Variants in WASF2 observed in about 807,000 individuals in gnomAD.
WASF2 encodes the protein WASP family member 2, also known as actin-binding protein WASF2.
WASF2 carries 14 observed loss-of-function variants against 45.0 expected under a neutral mutation model. That is an observed-to-expected ratio of 0.31 (90% CI 0.21 to 0.49). WASF2 has a LOEUF of 0.49. Ranked by LOEUF, WASF2 falls within the 20% of genes least tolerant of loss-of-function variation. The pLI, the probability that WASF2 is intolerant of heterozygous loss-of-function variation, is 0.99. For missense variants in WASF2, 439 were observed against 636.1 expected (o/e 0.69, Z 3.33); for synonymous variants, 200 against 236.3 (o/e 0.85, Z 1.41).
At chr1:27,480,870 G>A (rs1047757402) in intron 1 of WASF2, among the ~76,000 whole-genome samples, 21 of 151,782 alleles carry the variant, frequency 1.4e-4, no homozygotes, top group African/African-American at 4.8e-4. Context: ...TTAGCCGGGC[G>A]TGGTGGCAGG....
chr1:27,413,466 T>C (rs547851800), intron 6 of WASF2, among the ~76,000 whole-genome samples: 1 of 152,264 alleles, frequency 6.6e-6, no homozygotes, highest in African/African-American at 2.4e-5. Context: ...TCCACCATTG[T>C]TGGGGTCTAA....
At chr1:27,469,927 G>A (rs1487137101) in intron 1 of WASF2, among the ~76,000 whole-genome samples, 1 of 151,950 alleles carries the variant, frequency 6.6e-6, no homozygotes, top group Non-Finnish European at 1.5e-5. Flanking sequence ...GTGGGCGACA[G>A]AATGAGACTC....
chr1:27,458,402 TTTTA>T (rs2017501980), intron 1 of WASF2, among the ~76,000 whole-genome samples: 1 of 152,020 alleles, frequency 6.6e-6, no homozygotes, highest in Admixed American at 6.6e-5. Flanking sequence ...TAGGTATTTA[TTTTA>T]TTATTTTAAT....
intron 1 of WASF2, among the ~76,000 whole-genome samples, chr1:27,465,106 C>G (rs1323661429): frequency 6.6e-6 from 1 of 152,228 alleles, no homozygotes; most frequent in Non-Finnish European, 1.5e-5. Flanking sequence ...TGCCAGATGT[C>G]TGACTTTCAG....
chr1:27,446,841 C>T (rs2017316746), intron 1 of WASF2, among the ~76,000 whole-genome samples: 2 of 151,694 alleles, frequency 1.3e-5, no homozygotes, highest in Admixed American at 1.3e-4. Context: ...CTTTCCATTA[C>T]CTAATTGCTA....
intron 1 of WASF2, among the ~76,000 whole-genome samples, chr1:27,463,595 C>A (rs1404072096): frequency 6.9e-6 from 1 of 145,134 alleles, no homozygotes; most frequent in African/African-American, 2.6e-5. Flanking sequence ...TGCACTCTAG[C>A]CTGGGCGACA....
chr1:27,471,220 C>G (rs1028964237), intron 1 of WASF2, among the ~76,000 whole-genome samples: 1 of 151,118 alleles, frequency 6.6e-6, no homozygotes, highest in Admixed American at 6.6e-5. Context: ...TGGCGGGCGC[C>G]TGTAGTCCCA....
intron 2 of WASF2, among the ~76,000 whole-genome samples, chr1:27,425,777 T>A (rs956047292): frequency 7.3e-6 from 1 of 137,132 alleles, no homozygotes; most frequent in African/African-American, 2.8e-5. Context: ...AGGCAGAGCT[T>A]GCAGTGAGCC....
intron 1 of WASF2, among the ~76,000 whole-genome samples, chr1:27,435,093 A>G (rs962805096): frequency 7.9e-5 from 12 of 152,182 alleles, no homozygotes; most frequent in Middle Eastern, 3.4e-3. Flanking sequence ...GATTACAGGC[A>G]TACAGCACCA....
chr1:27,471,332 G>T (rs1017354471), intron 1 of WASF2, among the ~76,000 whole-genome samples: 2 of 131,700 alleles, frequency 1.5e-5, no homozygotes, highest in Non-Finnish European at 3.1e-5. Flanking sequence ...GCGACAGAGC[G>T]AGACTCTGTC....
chr1:27,484,246 C>T (rs949006696), intron 1 of WASF2, among the ~76,000 whole-genome samples: 1 of 152,154 alleles, frequency 6.6e-6, no homozygotes, highest in African/African-American at 2.4e-5. Flanking sequence ...CCTCACTCTA[C>T]AGTAGAGATG....
intron 3 of WASF2, 150 bp from the exon 4 acceptor site, chr1:27,418,572 C>A: frequency 9.3e-7 from 1 of 1,075,304 alleles, no homozygotes; most frequent in Non-Finnish European, 1.3e-6. Flanking sequence ...TCTGGGGAAG[C>A]CCCACAAGGC....
chr1:27,417,401 T>C (rs2016841284), intron 4 of WASF2, among the ~76,000 whole-genome samples: 1 of 152,204 alleles, frequency 6.6e-6, no homozygotes. Flanking sequence ...ATGTACTTTA[T>C]ATCTGTGTGA....
At chr1:27,426,513 A>ATTT (rs71785131) in intron 2 of WASF2, among the ~76,000 whole-genome samples, 7 of 145,340 alleles carry the variant, frequency 4.8e-5, no homozygotes, top group Admixed American at 1.4e-4. Context: ...AGTTAACTTA[A>ATTT]TTTTTTTTTT....
chr1:27,466,327 C>G (rs879525962), intron 1 of WASF2, among the ~76,000 whole-genome samples: 1 of 152,172 alleles, frequency 6.6e-6, no homozygotes, highest in African/African-American at 2.4e-5. Flanking sequence ...TCTAGGTAAT[C>G]ATCATCCATG....
At chr1:27,463,352 G>A (rs965671941) in intron 1 of WASF2, among the ~76,000 whole-genome samples, 2 of 151,948 alleles carry the variant, frequency 1.3e-5, no homozygotes, top group East Asian at 1.9e-4. Flanking sequence ...GATACTGGCC[G>A]GATGCGGTGA....
chr1:27,429,222 T>C (rs1263846420), intron 1 of WASF2, among the ~76,000 whole-genome samples: 4 of 152,146 alleles, frequency 2.6e-5, no homozygotes, highest in Non-Finnish European at 5.9e-5. Flanking sequence ...TGCCAACTAC[T>C]GCTCCAACCA....
intron 1 of WASF2, among the ~76,000 whole-genome samples, chr1:27,435,060 C>T (rs1002031183): frequency 6.6e-6 from 1 of 152,124 alleles, no homozygotes; most frequent in African/African-American, 2.4e-5. Flanking sequence ...AATTCTCCTG[C>T]CTCAGCCTTC....
chr1:27,452,307 G>A (rs2017394091), intron 1 of WASF2, among the ~76,000 whole-genome samples: 1 of 152,198 alleles, frequency 6.6e-6, no homozygotes, highest in South Asian at 2.1e-4. Context: ...GAGGTCAAAA[G>A]ATCAAGACCA....
Sources: gnomAD v4.1 joint callset for allele counts (sites outside exome capture counted in the v4.1 genomes callset) on GRCh38, gnomAD v4.1.1 for gene constraint, MANE v1.5 for transcripts, NCBI Gene and HGNC (gene_info 2026-07-23, HGNC 2026-07-21) for gene names.